Variants in FNDC3B observed in about 807,000 individuals in gnomAD.
FNDC3B encodes fibronectin type III domain containing 3B.
A neutral mutation model predicts 151.5 loss-of-function variants in FNDC3B; 12 were observed. That is an observed-to-expected ratio of 0.08 (90% CI 0.05 to 0.13). The LOEUF is 0.13. FNDC3B is among the 10% of genes least tolerant of loss of function. The pLI, the probability that FNDC3B is intolerant of heterozygous loss-of-function variation, is 1.00. For synonymous variants in FNDC3B, 528 were observed against 549.0 expected (o/e 0.96, Z 0.54); for missense variants, 1,214 against 1,505.3 (o/e 0.81, Z 3.20).
chr3:172,083,564 C>T (rs1199506924), intron 1 of FNDC3B, among the ~76,000 whole-genome samples: 1 of 152,152 alleles, frequency 6.6e-6, no homozygotes, highest in African/African-American at 2.4e-5. Context: ...AGGGGTGTCT[C>T]AAAACCATCA....
intron 11 of FNDC3B, among the ~76,000 whole-genome samples, chr3:172,317,996 A>G (rs1007052227): frequency 3.9e-5 from 6 of 152,188 alleles, no homozygotes; most frequent in Admixed American, 3.9e-4. Context: ...AGCTAGCCCA[A>G]AAGGAAGTTC....
At chr3:172,365,981 C>T (rs1734605278) in intron 23 of FNDC3B, among the ~76,000 whole-genome samples, 1 of 152,138 alleles carries the variant, frequency 6.6e-6, no homozygotes, top group Non-Finnish European at 1.5e-5. Flanking sequence ...CACCTTAAGG[C>T]AACAAATCTT....
intron 6 of FNDC3B, among the ~76,000 whole-genome samples, chr3:172,282,388 AC>A (rs1729779176): frequency 1.3e-5 from 2 of 152,120 alleles, no homozygotes; most frequent in Non-Finnish European, 2.9e-5. Context: ...TGGCCTTGGT[AC>A]CACGTTTCTC....
intron 2 of FNDC3B, among the ~76,000 whole-genome samples, chr3:172,130,944 C>T (rs1413547566): frequency 6.6e-6 from 1 of 152,138 alleles, no homozygotes; most frequent in Non-Finnish European, 1.5e-5. Flanking sequence ...TGCTTTATTA[C>T]AGTGATGCTA....
chr3:172,131,981 TATC>T (rs1721129427), intron 2 of FNDC3B, among the ~76,000 whole-genome samples: 1 of 152,232 alleles, frequency 6.6e-6, no homozygotes, highest in South Asian at 2.1e-4. Flanking sequence ...ATGTTATCCT[TATC>T]ATGCCTAGAT....
chr3:172,166,187 T>C (rs1229212014), intron 3 of FNDC3B, among the ~76,000 whole-genome samples: 2 of 152,324 alleles, frequency 1.3e-5, no homozygotes, highest in African/African-American at 4.8e-5. Context: ...TTCATCGGAA[T>C]TGGGAAGGCC....
At chr3:172,316,403 G>T (rs1731790304) in intron 11 of FNDC3B, 2 of 455,496 alleles carry the variant, frequency 4.4e-6, no homozygotes, top group Admixed American at 2.4e-5. Context: ...CTCTAGGTTA[G>T]GGAAGGGCTT....
At chr3:172,155,841 T>C (rs748394673) in intron 3 of FNDC3B, among the ~76,000 whole-genome samples, 5 of 152,242 alleles carry the variant, frequency 3.3e-5, no homozygotes, top group Non-Finnish European at 5.9e-5. Flanking sequence ...ACATCATTTA[T>C]GGTATTTTGT....
chr3:172,306,982 A>C, intron 9 of FNDC3B: 1 of 170,132 alleles, frequency 5.9e-6, no homozygotes, highest in Non-Finnish European at 1.3e-5. Context: ...TTGCCTTTTT[A>C]TCCAGCTCTT....
chr3:172,195,890 C>T (rs1724796938), intron 3 of FNDC3B, among the ~76,000 whole-genome samples: 1 of 152,158 alleles, frequency 6.6e-6, no homozygotes, highest in Non-Finnish European at 1.5e-5. Flanking sequence ...TGACACTAAT[C>T]CTCAGTTTCC....
At chr3:172,227,450 C>G (rs1213515874) in intron 4 of FNDC3B, among the ~76,000 whole-genome samples, 2 of 152,162 alleles carry the variant, frequency 1.3e-5, no homozygotes, top group Non-Finnish European at 2.9e-5. Context: ...TTAAATTTCT[C>G]TGAGCTTTGG....
intron 4 of FNDC3B, among the ~76,000 whole-genome samples, chr3:172,234,924 T>C (rs1727066366): frequency 6.6e-6 from 1 of 152,214 alleles, no homozygotes; most frequent in South Asian, 2.1e-4. Flanking sequence ...GTTCACAAAA[T>C]TAGAATTATA....
At chr3:172,049,032 A>G (rs1716503055) in intron 1 of FNDC3B, among the ~76,000 whole-genome samples, 1 of 152,210 alleles carries the variant, frequency 6.6e-6, no homozygotes, top group African/African-American at 2.4e-5. Flanking sequence ...CTGGAAATGA[A>G]CAGTGGCGAT....
intron 6 of FNDC3B, among the ~76,000 whole-genome samples, chr3:172,264,156 C>G (rs958548589): frequency 1.3e-5 from 2 of 151,980 alleles, no homozygotes; most frequent in Middle Eastern, 3.2e-3. Flanking sequence ...CTGGCTAATT[C>G]TTTTTATTTA....
intron 25 of FNDC3B, among the ~76,000 whole-genome samples, chr3:172,393,826 C>T (rs1403110644): frequency 1.3e-5 from 2 of 151,698 alleles, no homozygotes; most frequent in South Asian, 2.1e-4. Context: ...GTATGGGATA[C>T]GGCCAGGCAC....
chr3:172,306,880 G>A (rs1731226790), intron 9 of FNDC3B: 1 of 153,844 alleles, frequency 6.5e-6, no homozygotes, highest in Admixed American at 6.4e-5. Flanking sequence ...ACATAAATGT[G>A]TACAGTATTA....
At chr3:172,361,237 A>G (rs1291062428) in intron 22 of FNDC3B, among the ~76,000 whole-genome samples, 5 of 152,144 alleles carry the variant, frequency 3.3e-5, no homozygotes, top group Non-Finnish European at 7.4e-5. Flanking sequence ...GACTGCATTG[A>G]TTCTTCTCCT....
chr3:172,124,840 G>T (rs1051082657), intron 2 of FNDC3B, among the ~76,000 whole-genome samples: 4 of 152,118 alleles, frequency 2.6e-5, no homozygotes, highest in Non-Finnish European at 5.9e-5. Context: ...TATTGGGGAG[G>T]GCTTACGAGG....
chr3:172,369,638 C>T (rs1189738429), intron 23 of FNDC3B, among the ~76,000 whole-genome samples: 1 of 152,130 alleles, frequency 6.6e-6, no homozygotes, highest in African/African-American at 2.4e-5. Context: ...CAGCCAGGGA[C>T]AGAGGGTTAG....
Sources: gnomAD v4.1 joint callset for allele counts (sites outside exome capture counted in the v4.1 genomes callset) on GRCh38, gnomAD v4.1.1 for gene constraint, MANE v1.5 for transcripts, NCBI Gene and HGNC (gene_info 2026-07-23, HGNC 2026-07-21) for gene names.